ECM2: variants seen among roughly 807,000 people sequenced by gnomAD.
ECM2 encodes extracellular matrix protein 2, female organ and adipocyte specific.
A neutral mutation model predicts 67.5 loss-of-function variants in ECM2; 57 were observed. The observed-to-expected ratio is 0.84, with a 90% CI of 0.68 to 1.05. The LOEUF (loss-of-function observed/expected upper bound fraction) is 1.05, where lower values mean the gene tolerates loss of function less well. Among genes scored for constraint, ECM2 ranks in the 50% least tolerant of loss-of-function variants. The pLI, the probability that ECM2 is intolerant of heterozygous loss-of-function variation, is 0.00. For synonymous variants in ECM2, 258 were observed against 294.5 expected (o/e 0.88, Z 1.27); for missense variants, 741 against 822.8 (o/e 0.90, Z 1.22).
rs936440436 is a variant in ECM2 at position 92,515,265 on chromosome 9, C to A, written c.482-62G>T. 6 of 1,396,150 alleles carry A rather than the reference C, an allele frequency of 4.3e-6. No homozygotes were observed. The African/African-American group carries it at 4.4e-5, about 10-fold the overall frequency. 86.5% of individuals were successfully genotyped at this position (1,396,150 alleles called of 1,614,324 possible). Reference sequence around the variant, plus strand: ...TTGATGATATTAATAAAAGAAAAAACCATAATGAAAATGAGGTTAGTAAAT... The same window carrying A: ...TTGATGATATTAATAAAAGAAAAAAACATAATGAAAATGAGGTTAGTAAAT... On this transcript the variant is annotated intron_variant, in intron 3 of 9. Transcript: ENST00000344604.
chr9:92,526,785 C>CT (rs1333586735), intron 1 of ECM2, among the ~76,000 whole-genome samples: 1 of 151,834 alleles, frequency 6.6e-6, no homozygotes, highest in Non-Finnish European at 1.5e-5. Flanking sequence ...AATAAAAAAA[C>CT]TTTTTTATAA....
intron 5 of ECM2, among the ~76,000 whole-genome samples, chr9:92,511,218 C>T (rs1026300356): frequency 8.5e-5 from 13 of 152,060 alleles, no homozygotes; most frequent in Admixed American, 2.0e-4. Context: ...CTCCGCCTCC[C>T]GAATTCAAGC....
chr9:92,515,331 A>T, intron 3 of ECM2, 128 bp from the exon 4 acceptor site: 1 of 1,215,172 alleles, frequency 8.2e-7, no homozygotes, highest in Admixed American at 3.7e-5. Context: ...TAAAGATGAA[A>T]TGCACCTTGA....
the ECM2 span, among the ~76,000 whole-genome samples, chr9:92,555,214 A>ATTTTTTTTT: frequency 1.6e-5 from 1 of 63,440 alleles, no homozygotes; most frequent in African/African-American, 8.3e-5. Context: ...TTTTTTGGAA[A>ATTTTTTTTT]TTTTTTTTTT....
the ECM2 span, among the ~76,000 whole-genome samples, chr9:92,547,910 G>A: frequency 1.4e-4 from 21 of 152,136 alleles, no homozygotes; most frequent in African/African-American, 4.8e-4. Context: ...CCTGGCCAGT[G>A]TGGTAAAGCA....
At chr9:92,546,032 CTG>C in the ECM2 span, among the ~76,000 whole-genome samples, 1 of 151,916 alleles carries the variant, frequency 6.6e-6, no homozygotes, top group African/African-American at 2.4e-5. Context: ...AATCAGCACT[CTG>C]TGTCTAGCTC....
At chr9:92,521,930 A>G (rs10491806) in intron 2 of ECM2, among the ~76,000 whole-genome samples, 26,857 of 152,192 alleles carry the variant, frequency 0.18, 3,434 homozygotes, top group East Asian at 0.66. Context: ...ACAACTATTT[A>G]AAATATATGC....
chr9:92,517,524 A>G (rs1219995000), intron 3 of ECM2, 163 bp downstream of exon 3: 2 of 913,712 alleles, frequency 2.2e-6, no homozygotes, highest in Non-Finnish European at 3.3e-6. Context: ...CCCCTACCAT[A>G]CATTTTCCCA....
chr9:92,501,163 A>T (rs1380097937), intron 8 of ECM2, 110 bp from the exon 9 acceptor site: 2 of 1,083,274 alleles, frequency 1.8e-6, no homozygotes, highest in African/African-American at 3.2e-5. Flanking sequence ...ATAAGCACCC[A>T]GTTTGTAGTG....
chr9:92,494,187 G>T (rs546032272), downstream of ECM2: 2 of 1,581,946 alleles, frequency 1.3e-6, no homozygotes, highest in Admixed American at 3.3e-5. Flanking sequence ...TGAATGAATC[G>T]TTTAGTATCT....
At chr9:92,493,805 C>T (rs758743130), downstream of ECM2, 7 of 234,246 alleles carry the variant, frequency 3.0e-5, no homozygotes, top group African/African-American at 6.8e-5. Context: ...GTACAACTTC[C>T]ACTTAAGAAA....
rs1376722686 is a variant in ECM2, at chr9:92,535,933, C to G, written c.-28G>C. On this transcript the variant is annotated splice_region_variant and 5_prime_UTR_variant, in exon 1 of 10. Coordinates refer to ENST00000344604, the MANE Select transcript of ECM2 (RefSeq NM_001393.4). ...AACTTAAAATTTAAAACTTTTTTAC[C>G]TGGAGATCTAAACTAAGTAGGCTTT... is the stretch of plus-strand genomic sequence containing the variant. 2.1e-6 allele frequency: 1 copy of G among 471,464 alleles called. No homozygotes were observed. The highest frequency in any genetic ancestry group is 4.0e-6 in the Non-Finnish European group (1 of 247,132). The allele number at this position is 471,464 out of a possible 1,614,324, so 29.2% of individuals were successfully genotyped here. A position where few individuals can be genotyped will look rare whatever the true frequency, so the allele number is the denominator to read the frequency against.
chr9:92,535,737 C>G (rs1849130297), intron 1 of ECM2, among the ~76,000 whole-genome samples, 196 bp downstream of exon 1: 1 of 151,792 alleles, frequency 6.6e-6, no homozygotes, highest in South Asian at 2.1e-4. Context: ...TAATTTAATA[C>G]TAAGTATACA....
upstream of ECM2, among the ~76,000 whole-genome samples, chr9:92,541,030 G>T (rs1297669865): frequency 1.3e-5 from 2 of 151,954 alleles, no homozygotes; most frequent in African/African-American, 2.4e-5. Context: ...GGGAGGCCGA[G>T]GTGGGCAGAT....
At chr9:92,501,133 CGAT>C in intron 8 of ECM2, 80 bp from the exon 9 acceptor site, 1 of 1,392,436 alleles carries the variant, frequency 7.2e-7, no homozygotes, top group Non-Finnish European at 9.8e-7. Context: ...AGGCCAGTCT[CGAT>C]GCTGGTCCAT....
intron 1 of ECM2, among the ~76,000 whole-genome samples, chr9:92,529,119 C>T (rs1012871326): frequency 4.6e-5 from 7 of 152,186 alleles, no homozygotes; most frequent in Middle Eastern, 6.8e-3. Flanking sequence ...TTAGACATTA[C>T]CAAAAATAAT....
At chr9:92,530,393 T>C (rs1848672909) in intron 1 of ECM2, among the ~76,000 whole-genome samples, 1 of 152,172 alleles carries the variant, frequency 6.6e-6, no homozygotes. Context: ...TTGCTCTGAA[T>C]CTAAAACTGC....
Position 92,526,911 on chromosome 9 carries a change from C to T in ECM2, c.-27-4018G>A, listed in dbSNP as rs1274604906. On this transcript the variant is annotated intron_variant, in intron 1 of 9. Transcript: ENST00000344604. ...GGAGTGACTTCCAGTCTTCCAAGCT[C>T]CATTCATGGTAAGTACCCTAGATAG... 2.0e-5 allele frequency among the ~76,000 whole-genome samples: 3 copies of T among 152,162 alleles called. No individual in the cohort carries two copies. The East Asian group carries it at 5.8e-4, about 29-fold the overall frequency.
chr9:92,552,190 TACACAC>T, the ECM2 span, among the ~76,000 whole-genome samples: 113 of 106,430 alleles, frequency 1.1e-3, 1 homozygote, highest in African/African-American at 3.4e-3. Context: ...ATCTATCATA[TACACAC>T]ACACACACAC....
Sources: allele counts gnomAD v4.1 joint callset (sites outside exome capture counted in the v4.1 genomes callset), GRCh38; gene constraint gnomAD v4.1.1; transcripts MANE v1.5; gene names NCBI Gene and HGNC (gene_info 2026-07-23, HGNC 2026-07-21).